LRCH1: variants seen among roughly 807,000 people sequenced by gnomAD.
LRCH1 encodes leucine-rich repeat and calponin homology domain-containing protein 1.
Under a neutral mutation model 94.9 loss-of-function variants are expected in LRCH1, and 23 were observed. That is an observed-to-expected ratio of 0.24 (90% CI 0.17 to 0.34). LRCH1 has a LOEUF of 0.34. LRCH1 is among the 10% of genes least tolerant of loss of function. LRCH1 has a pLI of 1.00. For synonymous variants in LRCH1, 364 were observed against 354.9 expected, an observed-to-expected ratio of 1.03 and a Z score of -0.29; for missense variants, 790 against 945.9, an observed-to-expected ratio of 0.84 and a Z score of 2.16.
chr13:46,636,691 TC>T (rs1429088625), intron 1 of LRCH1, among the ~76,000 whole-genome samples: 1 of 152,168 alleles, frequency 6.6e-6, no homozygotes, highest in Non-Finnish European at 1.5e-5. Context: ...CATTTCTCAG[TC>T]TTTGGCTGAT....
chr13:46,579,908 C>T (rs1318330853), intron 1 of LRCH1, among the ~76,000 whole-genome samples: 1 of 152,212 alleles, frequency 6.6e-6, no homozygotes, highest in Non-Finnish European at 1.5e-5. Context: ...AGCCTTGTCA[C>T]ATTATTAACT....
In LRCH1 at chr13:46,644,064, G is replaced by A. The variant is rs185461748; in HGVS notation, c.308-6137G>A. On this transcript the variant is annotated intron_variant, in intron 1 of 19. Transcript: ENST00000389797. Reference sequence around the variant, plus strand: ...TGTTCTTGCTTGGCCTTATTCCATGGAGAAAGAGTGGTCTTGTGTGGGGAG... The same window carrying A: ...TGTTCTTGCTTGGCCTTATTCCATGAAGAAAGAGTGGTCTTGTGTGGGGAG... Among the ~76,000 whole-genome samples, 470 of 152,304 alleles carry A rather than the reference G, an allele frequency of 3.1e-3. 4 individuals carry two copies. Among genetic ancestry groups the A allele is most frequent in the Non-Finnish European group, 4.0e-3 (275 of 68,032 alleles).
In LRCH1 at chr13:46,741,840, T is replaced by C; in HGVS notation, c.2284T>C (p.Ser762Pro). ...TATCACTTACCACTGGAATGCTCTGTCCGCATAATGTCTGCACGTGCATCC... is the reference window on the plus strand; with the variant it reads ...TATCACTTACCACTGGAATGCTCTGCCCGCATAATGTCTGCACGTGCATCC... ...VYITYHWNAL[S>P]A The change falls in exon 20 of 20, where the codon TCC becomes CCC. Residue 762 changes from serine to proline, a missense_variant. Transcript: ENST00000389797. 6.2e-7 allele frequency: 1 copy of C among 1,614,030 alleles called. No individual in the cohort carries two copies. Among genetic ancestry groups the C allele is most frequent in the Non-Finnish European group, 8.5e-7 (1 of 1,180,028 alleles).
intron 1 of LRCH1, among the ~76,000 whole-genome samples, chr13:46,582,484 A>G (rs1019427184): frequency 3.5e-5 from 2 of 57,768 alleles, no homozygotes; most frequent in South Asian, 5.9e-4. Context: ...AGGGATGAAC[A>G]TATTGTTTTT....
rs1246407522 is a variant in LRCH1 at position 46,668,751 on chromosome 13, A to C, written c.453-279A>C. Among the ~76,000 whole-genome samples, 9 of 149,578 alleles carry C rather than the reference A, an allele frequency of 6.0e-5. No individual in the cohort carries two copies. In the East Asian group the frequency reaches 1.6e-3, roughly 26 times the overall value. ...GGCGGGGTGGCGGGGTGGCGGGGGGACTTTGATGGCATTCCTTGTGTTGAA... is the reference window on the plus strand; with the variant it reads ...GGCGGGGTGGCGGGGTGGCGGGGGGCCTTTGATGGCATTCCTTGTGTTGAA... On this transcript the variant is annotated intron_variant, in intron 2 of 19. Coordinates refer to ENST00000389797, the MANE Select transcript of LRCH1 (RefSeq NM_001164211.2).
chr13:46,636,516 G>GC (rs1262242670), intron 1 of LRCH1, among the ~76,000 whole-genome samples: 1 of 151,994 alleles, frequency 6.6e-6, no homozygotes, highest in African/African-American at 2.4e-5. Context: ...CCTCCTCCAA[G>GC]CCCCTGGCAA....
At chr13:46,750,651 A>G in exon 19 of LRCH1, 1 of 1,542,342 alleles carries the variant, frequency 6.5e-7, no homozygotes, top group Non-Finnish European at 8.8e-7. Context: ...GTTCACATGA[A>G]ACTACCCCTT....
chr13:46,657,164 T>G (rs74851215), intron 2 of LRCH1, among the ~76,000 whole-genome samples: 4 of 8,496 alleles, frequency 4.7e-4, no homozygotes, highest in Non-Finnish European at 1.1e-3. Context: ...TTCAATTGTA[T>G]TTTTTTTTTG....
intron 13 of LRCH1, among the ~76,000 whole-genome samples, chr13:46,706,562 C>A (rs1327113343): frequency 6.6e-6 from 1 of 152,020 alleles, no homozygotes; most frequent in Non-Finnish European, 1.5e-5. Context: ...TCTTTTTTAG[C>A]TTCTTATTTG....
At chr13:46,700,560 G>T (rs539657629) in intron 10 of LRCH1, among the ~76,000 whole-genome samples, 71 of 152,262 alleles carry the variant, frequency 4.7e-4, no homozygotes, top group Admixed American at 1.8e-3. Context: ...GGCTGTAAAG[G>T]ATTATCTGTA....
At chr13:46,720,768 C>T (rs12429799) in intron 16 of LRCH1, among the ~76,000 whole-genome samples, 30,835 of 151,890 alleles carry the variant, frequency 0.2, 3,471 homozygotes, top group East Asian at 0.5. Context: ...TTAATGGTCC[C>T]GGTGAAGTTA....
intron 1 of LRCH1, among the ~76,000 whole-genome samples, chr13:46,585,295 G>C (rs1566158257): frequency 2.0e-5 from 3 of 152,084 alleles, no homozygotes; most frequent in South Asian, 2.1e-4. Context: ...TGCATTTCTA[G>C]AGCCGGGCGT....
At chr13:46,712,273 G>A (rs1366632296) in intron 14 of LRCH1, among the ~76,000 whole-genome samples, 1 of 152,198 alleles carries the variant, frequency 6.6e-6, no homozygotes, top group Non-Finnish European at 1.5e-5. Flanking sequence ...AGGAGTGCCA[G>A]TGTCACGTAA....
intron 1 of LRCH1, among the ~76,000 whole-genome samples, chr13:46,616,841 G>C (rs576900527): frequency 1.2e-4 from 18 of 152,176 alleles, no homozygotes; most frequent in Admixed American, 4.6e-4. Flanking sequence ...AGTTCTTATA[G>C]GTTTTGGGAT....
At chr13:46,676,015 A>C (rs2051667546) in intron 3 of LRCH1, among the ~76,000 whole-genome samples, 1 of 152,230 alleles carries the variant, frequency 6.6e-6, no homozygotes, top group Non-Finnish European at 1.5e-5. Flanking sequence ...GCGGTGGCTC[A>C]TGCCTGTAAT....
intron 19 of LRCH1, among the ~76,000 whole-genome samples, chr13:46,734,656 T>C (rs941545430): frequency 6.6e-6 from 1 of 152,198 alleles, no homozygotes; most frequent in Non-Finnish European, 1.5e-5. Context: ...GGCAGATGGC[T>C]GGGGGCTTTT....
At chr13:46,560,249 A>T (rs572387197) in intron 1 of LRCH1, among the ~76,000 whole-genome samples, 2 of 149,978 alleles carry the variant, frequency 1.3e-5, no homozygotes, top group South Asian at 4.3e-4. Context: ...CAAAGCCTTG[A>T]TAATTTAAAT....
downstream of LRCH1, among the ~76,000 whole-genome samples, chr13:46,745,847 G>A (rs1485281378): frequency 3.3e-5 from 5 of 152,110 alleles, no homozygotes; most frequent in African/African-American, 9.7e-5. Context: ...ATAAGAAACT[G>A]TAGAAGGAGG....
chr13:46,682,546 T>TCGGGGACATA (rs1870374979), intron 4 of LRCH1, among the ~76,000 whole-genome samples: 1 of 152,200 alleles, frequency 6.6e-6, no homozygotes, highest in Non-Finnish European at 1.5e-5. Flanking sequence ...ACGTGAAATT[T>TCGGGGACATA]CGGGGACATA....
Sources: allele counts gnomAD v4.1 joint callset (sites outside exome capture counted in the v4.1 genomes callset), GRCh38; gene constraint gnomAD v4.1.1; transcripts MANE v1.5; gene names NCBI Gene and HGNC (gene_info 2026-07-23, HGNC 2026-07-21).